The following ATM variants were observed in gnomAD, a reference collection of about 807,000 sequenced individuals.
ATM encodes ATM serine/threonine kinase.
A neutral mutation model predicts 387.0 loss-of-function variants in ATM; 308 were observed. The ratio of observed to expected loss-of-function variants is 0.80; its 90% CI spans 0.73 to 0.87. ATM has a LOEUF of 0.87. Among genes scored for constraint, ATM ranks in the 40% least tolerant of loss-of-function variants. ATM has a pLI of 0.00. For synonymous variants in ATM, 1,156 were observed against 1,187.3 expected, an observed-to-expected ratio of 0.97 and a Z score of 0.54; for missense variants, 3,312 against 3,560.9, an observed-to-expected ratio of 0.93 and a Z score of 1.78.
chr11:108,291,172 C>G (rs1023703704), intron 29 of ATM, among the ~76,000 whole-genome samples: 2 of 151,980 alleles, frequency 1.3e-5, no homozygotes, highest in Non-Finnish European at 2.9e-5. Flanking sequence ...GTAGGCAGAT[C>G]TTGCAGTGAG....
chr11:108,224,667 A>G (rs1487289570), intron 1 of ATM: 1 of 152,132 alleles, frequency 6.6e-6, no homozygotes, highest in Non-Finnish European at 1.5e-5. Context: ...GATTGGCACC[A>G]GTTAGTTCAG....
At chr11:108,359,947 A>T (rs1290635569) in intron 61 of ATM, among the ~76,000 whole-genome samples, 1 of 152,046 alleles carries the variant, frequency 6.6e-6, no homozygotes, top group Non-Finnish European at 1.5e-5. Context: ...AACTAAAATC[A>T]GAGCAGAACT....
chr11:108,254,049 T>A lies in ATM; in HGVS notation c.2124+10T>A, dbSNP rs747365741. 1 of 1,611,584 alleles carries A rather than the reference T, an allele frequency of 6.2e-7. No individual in the cohort carries two copies. The highest frequency in any genetic ancestry group is 8.5e-7 in the Non-Finnish European group (1 of 1,178,748). On this transcript the variant is annotated intron_variant, in intron 13 of 62. Transcript: ENST00000675843. ...TAATTACTCATCTGAGGTGAGATTT[T>A]TTAAAAAAAGAACTAAGCTTATATA... is the stretch of plus-strand genomic sequence containing the variant.
chr11:108,339,095 G>A (rs914289975), intron 56 of ATM, among the ~76,000 whole-genome samples: 1 of 152,134 alleles, frequency 6.6e-6, no homozygotes, highest in African/African-American at 2.4e-5. Context: ...AGAATCAGAT[G>A]GAAATGAAGA....
chr11:108,294,764 G>C (rs1006860783), intron 31 of ATM, among the ~76,000 whole-genome samples, 163 bp from the exon 32 acceptor site: 4 of 151,974 alleles, frequency 2.6e-5, no homozygotes, highest in Non-Finnish European at 5.9e-5. Flanking sequence ...AACATTGTAG[G>C]GTTTGCAGTG....
At chr11:108,337,828 A>T (rs1459679031) in intron 56 of ATM, among the ~76,000 whole-genome samples, 1 of 152,252 alleles carries the variant, frequency 6.6e-6, no homozygotes, top group African/African-American at 2.4e-5. Flanking sequence ...GAATTGGGTT[A>T]CAAAAGTATG....
chr11:108,311,600 A>T (rs936355735), intron 39 of ATM, among the ~76,000 whole-genome samples: 6 of 152,050 alleles, frequency 3.9e-5, no homozygotes, highest in Non-Finnish European at 8.8e-5. Context: ...CAGGAGGCTG[A>T]GGGAGGAGGA....
At chr11:108,277,713 A>G (rs1213430818) in intron 22 of ATM, among the ~76,000 whole-genome samples, 15 of 152,102 alleles carry the variant, frequency 9.9e-5, no homozygotes. Flanking sequence ...GGCTGCACCC[A>G]CTGTCTAACC....
Position 108,249,083 on chromosome 11 carries a change from G to T in ATM, c.1216G>T (p.Asp406Tyr). The change falls in exon 9 of 63, where the codon GAT (aspartate) becomes TAT (tyrosine). Residue 406 changes from aspartate (D) to tyrosine (Y), a missense_variant. By Grantham distance (160) the Asp-to-Tyr change is radical (BLOSUM62 -3). Coordinates refer to ENST00000675843, the MANE Select transcript of ATM (RefSeq NM_000051.4). The part of the protein sequence containing the change: ...IKDHLQKSQN[D>Y]FDLVPWLQIA... ...AGATCACCTTCAGAAGTCACAGAAT[G>T]ATTTTGATCTTGTGCCTTGGTAAAG... The T allele has an allele frequency of 1.2e-6, 2 of 1,613,972 alleles. No homozygotes were observed. The highest frequency in any genetic ancestry group is 1.7e-6 in the Non-Finnish European group (2 of 1,179,968).
intron 1 of ATM, chr11:108,225,300 T>C (rs2078681993): frequency 6.6e-6 from 1 of 152,104 alleles, no homozygotes; most frequent in Admixed American, 6.5e-5. Flanking sequence ...CCACAGGAAG[T>C]ATATAATCAA....
intron 9 of ATM, 52 bp downstream of exon 9, chr11:108,249,154 A>G: frequency 6.2e-7 from 1 of 1,601,404 alleles, no homozygotes; most frequent in Non-Finnish European, 8.5e-7. Context: ...CTTGTATGTT[A>G]TTTTTCAGAA....
intron 5 of ATM, among the ~76,000 whole-genome samples, chr11:108,237,501 A>T (rs763459516): frequency 4.6e-5 from 7 of 151,796 alleles, no homozygotes; most frequent in Non-Finnish European, 8.8e-5. Context: ...ATTTAAGCTA[A>T]CCTTTGCCAC....
rs2235011 is a variant in ATM, at chr11:108,257,511, A to G, written c.2281A>G (p.Thr761Ala). 6.2e-7 allele frequency: 1 copy of G among 1,613,674 alleles called. No individual in the cohort carries two copies. The highest frequency in any genetic ancestry group is 8.5e-7 in the Non-Finnish European group (1 of 1,179,798). ...SLMQCAGESI[T>A]LFKNKTNEEF... ...AATGCAATGTGCAGGAGAAAGTATC[A>G]CTCTGTTTAAAAATAAGACAAATGA... Residue 761 changes from threonine (T) to alanine (A), a missense_variant, in exon 15 of 63, where the codon ACT becomes GCT. Coordinates refer to ENST00000675843, the MANE Select transcript of ATM (RefSeq NM_000051.4).
chr11:108,241,370 A>G (rs1013306268), intron 5 of ATM, among the ~76,000 whole-genome samples: 1 of 152,248 alleles, frequency 6.6e-6, no homozygotes, highest in Non-Finnish European at 1.5e-5. Flanking sequence ...ACATTTTACC[A>G]GTAACTTAGT....
chr11:108,300,991 G>A (rs186812578), intron 34 of ATM, among the ~76,000 whole-genome samples: 97 of 150,868 alleles, frequency 6.4e-4, no homozygotes, highest in South Asian at 1.7e-3. Context: ...CAAATTCTTG[G>A]GCTCAAGCAG....
chr11:108,346,325 T>C (rs11821287), intron 58 of ATM, among the ~76,000 whole-genome samples: 1 of 152,062 alleles, frequency 6.6e-6, no homozygotes, highest in Non-Finnish European at 1.5e-5. Flanking sequence ...TAATACTTTT[T>C]AATAGAATTT....
intron 18 of ATM, among the ~76,000 whole-genome samples, chr11:108,269,173 T>C (rs1334576004): frequency 1.3e-5 from 2 of 152,356 alleles, no homozygotes; most frequent in East Asian, 3.9e-4. Context: ...GATACACTTC[T>C]GTTTAGCCAC....
At chr11:108,363,520 G>A (rs1049410730) in intron 61 of ATM, among the ~76,000 whole-genome samples, 1 of 152,150 alleles carries the variant, frequency 6.6e-6, no homozygotes, top group Non-Finnish European at 1.5e-5. Flanking sequence ...ATGTCTGGAG[G>A]CATTTTTATT....
At chr11:108,335,278 A>T in intron 55 of ATM, 169 bp downstream of exon 55, 2 of 1,519,206 alleles carry the variant, frequency 1.3e-6, no homozygotes, top group Non-Finnish European at 1.8e-6. Context: ...GCTTTTCTCC[A>T]TTTTTTTTGT....
Sources: allele counts gnomAD v4.1 joint callset (sites outside exome capture counted in the v4.1 genomes callset), GRCh38; gene constraint gnomAD v4.1.1; transcripts MANE v1.5; gene names NCBI Gene and HGNC (gene_info 2026-07-23, HGNC 2026-07-21).